The following TCF7L2 variants were observed in gnomAD, a reference collection of about 807,000 sequenced individuals.
TCF7L2 encodes the protein transcription factor 7 like 2, also known as transcription factor 7-like 2.
TCF7L2 carries 23 observed loss-of-function variants against 77.9 expected under a neutral mutation model. The observed-to-expected ratio is 0.30, with a 90% confidence interval of 0.21 to 0.42. The LOEUF is 0.42. Ranked by LOEUF, TCF7L2 falls within the 10% of genes least tolerant of loss-of-function variation. The pLI, the probability that TCF7L2 is intolerant of heterozygous loss-of-function variation, is 1.00. For missense variants in TCF7L2, 654 were observed against 793.1 expected (o/e 0.82, Z 2.11); for synonymous variants, 413 against 340.2 (o/e 1.21, Z -2.36).
At chr10:112,972,631 T>C (rs1475718952) in intron 4 of TCF7L2, among the ~76,000 whole-genome samples, 2 of 152,254 alleles carry the variant, frequency 1.3e-5, no homozygotes, top group South Asian at 2.1e-4. Context: ...TCACCACACC[T>C]GGCTAATTTT....
intron 5 of TCF7L2, among the ~76,000 whole-genome samples, chr10:113,107,236 T>C (rs2062445826): frequency 6.6e-6 from 1 of 152,150 alleles, no homozygotes; most frequent in Non-Finnish European, 1.5e-5. Context: ...GTATGACTAA[T>C]CCAGCTCGGC....
chr10:112,952,426 C>G (rs1479394569), intron 3 of TCF7L2, among the ~76,000 whole-genome samples: 2 of 152,126 alleles, frequency 1.3e-5, no homozygotes, highest in Admixed American at 1.3e-4. Flanking sequence ...CGGGCTCTCC[C>G]GGGCCGCGCA....
intron 4 of TCF7L2, among the ~76,000 whole-genome samples, chr10:112,976,776 T>C (rs1055533274): frequency 6.6e-6 from 1 of 152,214 alleles, no homozygotes. Flanking sequence ...TCGACCACTT[T>C]GTCAACTTGG....
intron 5 of TCF7L2, among the ~76,000 whole-genome samples, chr10:113,051,268 G>T (rs751230661): frequency 1.4e-5 from 2 of 140,208 alleles, no homozygotes; most frequent in African/African-American, 5.4e-5. Context: ...CACACACCCC[G>T]ACTCAATGGA....
intron 4 of TCF7L2, among the ~76,000 whole-genome samples, chr10:112,982,124 T>C (rs911040600): frequency 1.3e-5 from 2 of 152,234 alleles, no homozygotes; most frequent in African/African-American, 4.8e-5. Context: ...TTCTATCATC[T>C]CCTTTGGGAG....
At chr10:113,131,544 A>T (rs1281447239) in intron 5 of TCF7L2, among the ~76,000 whole-genome samples, 1 of 152,210 alleles carries the variant, frequency 6.6e-6, no homozygotes, top group Non-Finnish European at 1.5e-5. Flanking sequence ...GTTACTTAAT[A>T]GTGGTCCTGT....
chr10:112,997,154 A>G (rs1051681243), intron 4 of TCF7L2, among the ~76,000 whole-genome samples: 4 of 152,256 alleles, frequency 2.6e-5, no homozygotes, highest in South Asian at 4.1e-4. Context: ...GGGTTGACTC[A>G]GCCTTGGGTA....
At chr10:113,052,598 C>T (rs1201423532) in intron 5 of TCF7L2, among the ~76,000 whole-genome samples, 1 of 152,244 alleles carries the variant, frequency 6.6e-6, no homozygotes, top group East Asian at 1.9e-4. Context: ...AGGACGTAGG[C>T]TCAGGAGCTG....
At chr10:113,066,135 G>A (rs370896161) in intron 5 of TCF7L2, among the ~76,000 whole-genome samples, 1 of 152,132 alleles carries the variant, frequency 6.6e-6, no homozygotes, top group Non-Finnish European at 1.5e-5. Flanking sequence ...GGCCGAGGAG[G>A]GCGGATCACT....
rs557259433 is a variant in TCF7L2 at position 113,004,845 on chromosome 10, G to A, written c.451-35180G>A. Among the ~76,000 whole-genome samples the A allele has an allele frequency of 3.0e-4, 46 of 152,068 alleles. 1 individual carries two copies. The highest frequency in any genetic ancestry group is 1.3e-3 in the Admixed American group (20 of 15,256). On this transcript the variant is annotated intron_variant, in intron 4 of 13. Transcript: ENST00000627217. ...CCGCCACCATGCCCGGCTAATTTTC[G>A]TGTGTTTTAGTAGAGATGGGGTTCC...
At chr10:113,146,520 C>T (rs576865615) in intron 8 of TCF7L2, among the ~76,000 whole-genome samples, 103 of 152,116 alleles carry the variant, frequency 6.8e-4, no homozygotes, top group Non-Finnish European at 1.2e-3. Flanking sequence ...AGAAAGCATC[C>T]GCCTCCTCCC....
chr10:113,156,867 C>T (rs1374684621), intron 11 of TCF7L2, among the ~76,000 whole-genome samples: 1 of 152,236 alleles, frequency 6.6e-6, no homozygotes, highest in East Asian at 1.9e-4. Flanking sequence ...GGCAAAGTTA[C>T]CTAACTCGTC....
chr10:113,064,109 T>C (rs1215368204), intron 5 of TCF7L2, among the ~76,000 whole-genome samples: 2 of 152,194 alleles, frequency 1.3e-5, no homozygotes, highest in Non-Finnish European at 2.9e-5. Flanking sequence ...ATTTTGCCTC[T>C]CATCTCCTGA....
At chr10:113,063,891 G>GGTGT (rs1358844078) in intron 5 of TCF7L2, among the ~76,000 whole-genome samples, 1 of 77,168 alleles carries the variant, frequency 1.3e-5, no homozygotes, top group African/African-American at 4.8e-5. Context: ...ACATGGATGT[G>GGTGT]GCGTGTGTGT....
chr10:113,049,357 C>G (rs1006470143), intron 5 of TCF7L2, among the ~76,000 whole-genome samples: 4 of 152,072 alleles, frequency 2.6e-5, no homozygotes, highest in African/African-American at 9.7e-5. Context: ...ACAACATCGA[C>G]CCATTACTTA....
chr10:113,036,831 G>A (rs546619965), intron 4 of TCF7L2, among the ~76,000 whole-genome samples: 2 of 152,252 alleles, frequency 1.3e-5, no homozygotes, highest in East Asian at 1.9e-4. Flanking sequence ...CAGCCTGAGA[G>A]GAAGAGAGCT....
At chr10:112,989,036 G>T (rs1296603078) in intron 4 of TCF7L2, among the ~76,000 whole-genome samples, 3 of 152,112 alleles carry the variant, frequency 2.0e-5, no homozygotes, top group Non-Finnish European at 4.4e-5. Context: ...CATGCTCTGC[G>T]GTTGCTATGT....
chr10:112,989,881 A>G (rs749241298), intron 4 of TCF7L2, among the ~76,000 whole-genome samples: 15 of 152,118 alleles, frequency 9.9e-5, no homozygotes, highest in Non-Finnish European at 1.9e-4. Context: ...CTCATGATTT[A>G]TTTAGAAATA....
intron 5 of TCF7L2, chr10:113,089,367 C>G: frequency 6.2e-7 from 1 of 1,606,124 alleles, no homozygotes; most frequent in African/African-American, 1.3e-5. Context: ...CGCTCCCGAG[C>G]CTTACTCTGT....
Sources: gnomAD v4.1 joint callset for allele counts (sites outside exome capture counted in the v4.1 genomes callset) on GRCh38, gnomAD v4.1.1 for gene constraint, MANE v1.5 for transcripts, NCBI Gene and HGNC (gene_info 2026-07-23, HGNC 2026-07-21) for gene names.